BABAM2: variants seen among roughly 807,000 people sequenced by gnomAD.
The protein encoded by BABAM2 is BRISC and BRCA1 A complex member 2.
A neutral mutation model predicts 54.7 loss-of-function variants in BABAM2; 31 were observed. That is an observed-to-expected ratio of 0.57 (90% confidence interval 0.43 to 0.77). The LOEUF is 0.77. Ranked by LOEUF, BABAM2 falls within the 30% of genes least tolerant of loss-of-function variation. BABAM2 has a pLI of 0.00. For synonymous variants in BABAM2, 167 were observed against 162.9 expected (o/e 1.03, Z -0.19); for missense variants, 364 against 455.8 (o/e 0.80, Z 1.83).
chr2:28,258,327 T>C lies in BABAM2; in HGVS notation c.934+13465T>C, dbSNP rs1455317293. Among the ~76,000 whole-genome samples, 6 of 152,226 alleles carry C rather than the reference T, an allele frequency of 3.9e-5. No homozygotes were observed. In the East Asian group the frequency reaches 1.2e-3, roughly 29 times the overall value. ...GAAATGCTGGGTCCTATGGTGCACG[T>C]ATTTTAACTCAGTAATGTACTGCCA... is the stretch of plus-strand genomic sequence containing the variant. On this transcript the variant is annotated intron_variant, in intron 10 of 11. Transcript: ENST00000379624.
intron 7 of BABAM2, among the ~76,000 whole-genome samples, chr2:28,132,128 TC>T (rs202215184): frequency 1.3e-5 from 2 of 150,612 alleles, no homozygotes; most frequent in Admixed American, 6.6e-5. Flanking sequence ...CCCTTTTTTT[TC>T]TTTCTTCTTC....
At chr2:27,965,444 A>G (rs1284200466) in intron 3 of BABAM2, among the ~76,000 whole-genome samples, 1 of 152,182 alleles carries the variant, frequency 6.6e-6, no homozygotes. Flanking sequence ...ATTCTATTTC[A>G]TATGTCCTCC....
In BABAM2 at chr2:27,988,050, A is replaced by G; in HGVS notation, c.263A>G (p.Glu88Gly). 1 of 1,613,698 alleles carries G rather than the reference A, an allele frequency of 6.2e-7. No homozygotes were observed. The highest frequency in any genetic ancestry group is 8.5e-7 in the Non-Finnish European group (1 of 1,179,718). Residue 88 changes from glutamate to glycine, a missense_variant, in exon 4 of 12, where the codon GAA becomes GGA. By Grantham distance (98) the Glu-to-Gly change is moderately conservative (BLOSUM62 -2). Coordinates refer to ENST00000379624, the MANE Select transcript of BABAM2 (RefSeq NM_199191.3). ...CTGCCTCCCGATTTTATCTTTGGAG[A>G]AGATGCTGAATTCCTGCCAGACCCC... ...PELPPDFIFGEDAEFLPDPSA... is the reference protein window; with the variant it reads ...PELPPDFIFGGDAEFLPDPSA...
At chr2:28,129,468 C>T (rs1669847324) in intron 7 of BABAM2, 88 bp downstream of exon 7, 1 of 1,137,570 alleles carries the variant, frequency 8.8e-7, no homozygotes, top group African/African-American at 1.6e-5. Flanking sequence ...TGAACTCTTA[C>T]ATTTATTTCT....
chr2:28,283,628 C>A lies in BABAM2; in HGVS notation c.935-14710C>A, dbSNP rs572553508. Reference sequence around the variant, plus strand: ...GGTCTGTGGTACATAGATACACTAACCTTGTAAGAGTACAAGAAGAGTAAC... The same window carrying A: ...GGTCTGTGGTACATAGATACACTAAACTTGTAAGAGTACAAGAAGAGTAAC... On this transcript the variant is annotated intron_variant, in intron 10 of 11. Coordinates refer to ENST00000379624, the MANE Select transcript of BABAM2 (RefSeq NM_199191.3). 2.5e-4 allele frequency among the ~76,000 whole-genome samples: 38 copies of A among 152,272 alleles called. No homozygotes were observed. In the South Asian group the frequency reaches 6.4e-3, roughly 26 times the overall value.
chr2:28,057,823 G>A (rs916822762), intron 6 of BABAM2, among the ~76,000 whole-genome samples: 1 of 152,142 alleles, frequency 6.6e-6, no homozygotes, highest in Non-Finnish European at 1.5e-5. Flanking sequence ...ATTTGGAACG[G>A]CCTTGAAAGA....
chr2:28,135,822 A>G lies in BABAM2; in HGVS notation c.680+6442A>G, dbSNP rs10201415. Among the ~76,000 whole-genome samples, 493 of 152,242 alleles carry G rather than the reference A, an allele frequency of 3.2e-3. 4 individuals are homozygous for G. The highest frequency in any genetic ancestry group is 0.011 in the African/African-American group (472 of 41,540). Reference sequence around the variant, plus strand: ...GTCTCTGAGTCTTGTCATGCCTACTATCATTACCTAGTTCAGTCTTCCAGT... The same window carrying G: ...GTCTCTGAGTCTTGTCATGCCTACTGTCATTACCTAGTTCAGTCTTCCAGT... On this transcript the variant is annotated intron_variant, in intron 7 of 11. Coordinates refer to ENST00000379624, the MANE Select transcript of BABAM2 (RefSeq NM_199191.3).
At chr2:28,327,131 C>T in intron 11 of BABAM2, 3 of 823,914 alleles carry the variant, frequency 3.6e-6, no homozygotes, top group Non-Finnish European at 5.7e-6. Context: ...TAGATGCGTG[C>T]ATACATCTGT....
rs575186445 is a variant in BABAM2 at position 27,939,718 on chromosome 2, A to G, written c.205+9810A>G. 2.9e-4 allele frequency among the ~76,000 whole-genome samples: 44 copies of G among 152,356 alleles called. No individual in the cohort carries two copies. In the South Asian group the frequency reaches 8.9e-3, roughly 31 times the overall value. On this transcript the variant is annotated intron_variant, in intron 3 of 11. Coordinates refer to ENST00000379624, the MANE Select transcript of BABAM2 (RefSeq NM_199191.3). ...CCTCTGCAAGCAGATTAATGAAAAT[A>G]GCATGTAACTAAACTTATTTTTCAA...
At chr2:27,935,910 A>ATTTTTATTTTTTGGTATTT (rs1668451036) in intron 3 of BABAM2, among the ~76,000 whole-genome samples, 1 of 151,954 alleles carries the variant, frequency 6.6e-6, no homozygotes, top group African/African-American at 2.4e-5. Context: ...TCTTATTTGT[A>ATTTTTATTTTTTGGTATTT]TTTTTATTTT....
At chr2:28,019,111 T>A (rs1675066523) in intron 4 of BABAM2, among the ~76,000 whole-genome samples, 1 of 152,220 alleles carries the variant, frequency 6.6e-6, no homozygotes, top group Non-Finnish European at 1.5e-5. Context: ...TTTGATTTTC[T>A]GTTCCTCTGT....
At chr2:28,178,095 C>G (rs1675212013) in intron 7 of BABAM2, among the ~76,000 whole-genome samples, 1 of 152,018 alleles carries the variant, frequency 6.6e-6, no homozygotes, top group African/African-American at 2.4e-5. Flanking sequence ...ATTATCTAGA[C>G]AGAAATTAAC....
chr2:28,126,004 C>T (rs563215419), intron 6 of BABAM2, among the ~76,000 whole-genome samples: 1 of 152,212 alleles, frequency 6.6e-6, no homozygotes, highest in South Asian at 2.1e-4. Context: ...TTGAAGCTAC[C>T]TACACACACA....
chr2:28,025,156 G>A lies in BABAM2; in HGVS notation c.301-70G>A, dbSNP rs541008383. 2.0e-5 allele frequency: 28 copies of A among 1,373,058 alleles called. No individual in the cohort carries two copies. In the South Asian group the frequency reaches 3.6e-4, roughly 17 times the overall value. 85.1% of individuals were successfully genotyped at this position (1,373,058 alleles called of 1,614,324 possible). A position where few individuals can be genotyped will look rare whatever the true frequency, so the allele number is the denominator to read the frequency against. Reference sequence around the variant, plus strand: ...TTACTCTTTTCCTCTACATTGATGTGTGAATGTGATACTGGATTTGTATGA... The same window carrying A: ...TTACTCTTTTCCTCTACATTGATGTATGAATGTGATACTGGATTTGTATGA... On this transcript the variant is annotated intron_variant, in intron 4 of 11. Coordinates refer to ENST00000379624, the MANE Select transcript of BABAM2 (RefSeq NM_199191.3).
rs183607588 is a variant in BABAM2, at chr2:28,205,080, T to C, written c.681-32122T>C. ...ACTGGGTCATTGAAAACAACTGTCC[T>C]AGATGGTCATTCATGCACGTAGCTG... On this transcript the variant is annotated intron_variant, in intron 7 of 11. Transcript: ENST00000379624. Among the ~76,000 whole-genome samples, 537 of 152,224 alleles carry C rather than the reference T, an allele frequency of 3.5e-3. 3 individuals are homozygous for C. Among genetic ancestry groups the C allele is most frequent in the Middle Eastern group, 6.8e-3 (2 of 294 alleles).
At chr2:28,328,220 A>G (rs1690648945) in intron 11 of BABAM2, among the ~76,000 whole-genome samples, 1 of 152,194 alleles carries the variant, frequency 6.6e-6, no homozygotes, top group South Asian at 2.1e-4. Context: ...CAGGACAATG[A>G]GGACAAGGCA....
intron 7 of BABAM2, among the ~76,000 whole-genome samples, chr2:28,198,190 C>T (rs568703550): frequency 7.0e-4 from 106 of 150,944 alleles, no homozygotes; most frequent in African/African-American, 2.4e-3. Context: ...GACTGAGTCT[C>T]GCTCTGTCAC....
intron 7 of BABAM2, among the ~76,000 whole-genome samples, chr2:28,150,482 A>T (rs570791850): frequency 6.6e-6 from 1 of 152,376 alleles, no homozygotes; most frequent in African/African-American, 2.4e-5. Flanking sequence ...TCTTTCCTCT[A>T]AAGATCATGG....
In BABAM2 at chr2:28,264,192, G is replaced by A. The variant is rs369625043; in HGVS notation, c.934+19330G>A. Among the ~76,000 whole-genome samples the A allele has an allele frequency of 2.4e-4, 37 of 152,198 alleles. No individual in the cohort carries two copies. In the East Asian group the frequency reaches 3.3e-3, roughly 14 times the overall value. ...TATAGGACTTAACATTTGTAGAGATGGGGTTTGCCTTTTTTATACTCCCAG... is the reference window on the plus strand; with the variant it reads ...TATAGGACTTAACATTTGTAGAGATAGGGTTTGCCTTTTTTATACTCCCAG... On this transcript the variant is annotated intron_variant, in intron 10 of 11. Transcript: ENST00000379624.
Sources: gnomAD v4.1 joint callset for allele counts (sites outside exome capture counted in the v4.1 genomes callset) on GRCh38, gnomAD v4.1.1 for gene constraint, MANE v1.5 for transcripts, NCBI Gene and HGNC (gene_info 2026-07-23, HGNC 2026-07-21) for gene names.